The following ADAMTS19 variants were observed in gnomAD, a reference collection of about 807,000 sequenced individuals.
ADAMTS19 encodes ADAM metallopeptidase with thrombospondin type 1 motif 19.
ADAMTS19 carries 93 observed loss-of-function variants against 153.3 expected under a neutral mutation model. The ratio of observed to expected loss-of-function variants is 0.61; its 90% confidence interval spans 0.51 to 0.72. The LOEUF (loss-of-function observed/expected upper bound fraction) is 0.72. Ranked by LOEUF, ADAMTS19 falls within the 30% of genes least tolerant of loss-of-function variation. The probability of loss-of-function intolerance (pLI) is 0.00; values close to 1 mark genes in which losing one functional copy is unlikely to be tolerated. For synonymous variants in ADAMTS19, 600 were observed against 556.6 expected, an observed-to-expected ratio of 1.08 and a Z score of -1.10; for missense variants, 1,482 against 1,552.1, an observed-to-expected ratio of 0.95 and a Z score of 0.76.
At chr5:129,656,239 A>G (rs911570225) in intron 14 of ADAMTS19, among the ~76,000 whole-genome samples, 2 of 152,204 alleles carry the variant, frequency 1.3e-5, no homozygotes, top group African/African-American at 2.4e-5. Context: ...ATTATTTGAA[A>G]TGGATTGTGG....
intron 13 of ADAMTS19, among the ~76,000 whole-genome samples, chr5:129,649,208 A>G (rs1299697802): frequency 1.3e-5 from 2 of 152,228 alleles, no homozygotes; most frequent in East Asian, 3.8e-4. Flanking sequence ...TGACAACACT[A>G]ACTGCTAGTG....
intron 6 of ADAMTS19, among the ~76,000 whole-genome samples, chr5:129,534,100 G>A (rs1319389839): frequency 6.6e-6 from 1 of 152,100 alleles, no homozygotes; most frequent in African/African-American, 2.4e-5. Flanking sequence ...TTCTGTAGAT[G>A]TCTATTAGGT....
chr5:129,484,773 A>G (rs1750537520), intron 2 of ADAMTS19, among the ~76,000 whole-genome samples: 1 of 152,150 alleles, frequency 6.6e-6, no homozygotes, highest in Non-Finnish European at 1.5e-5. Context: ...CATAGCTATC[A>G]GTAAGATTTT....
intron 15 of ADAMTS19, among the ~76,000 whole-genome samples, chr5:129,661,296 C>A (rs569320027): frequency 6.6e-6 from 1 of 152,086 alleles, no homozygotes; most frequent in Non-Finnish European, 1.5e-5. Context: ...GCATAGTATG[C>A]GATCCATTAA....
chr5:129,676,335 A>G (rs1252334013), intron 16 of ADAMTS19, among the ~76,000 whole-genome samples: 2 of 152,172 alleles, frequency 1.3e-5, no homozygotes, highest in Non-Finnish European at 2.9e-5. Context: ...TATGCAACTA[A>G]AGTAACCTTT....
chr5:129,581,173 G>T (rs766163632), intron 7 of ADAMTS19, among the ~76,000 whole-genome samples: 47 of 152,162 alleles, frequency 3.1e-4, no homozygotes, highest in Non-Finnish European at 5.1e-4. Context: ...GAGGGTGTAT[G>T]TGTCCAGGAA....
At chr5:129,641,086 CAGAAAT>C (rs1487968737) in intron 10 of ADAMTS19, among the ~76,000 whole-genome samples, 2 of 152,182 alleles carry the variant, frequency 1.3e-5, no homozygotes, top group East Asian at 1.9e-4. Flanking sequence ...AACCACCTTA[CAGAAAT>C]AGAAAGTCTT....
At chr5:129,614,599 G>A (rs1288724024) in intron 8 of ADAMTS19, among the ~76,000 whole-genome samples, 1 of 152,022 alleles carries the variant, frequency 6.6e-6, no homozygotes, top group Admixed American at 6.6e-5. Context: ...GGCAAAAACT[G>A]GAAGCATTCC....
At chr5:129,707,825 A>G (rs30302) in intron 21 of ADAMTS19, among the ~76,000 whole-genome samples, 89,635 of 152,034 alleles carry the variant, frequency 0.59, 26,857 homozygotes, top group Non-Finnish European at 0.65. Flanking sequence ...TACTTTAATC[A>G]GGAATATTAA....
At chr5:129,661,883 G>A (rs1221793838) in intron 15 of ADAMTS19, among the ~76,000 whole-genome samples, 3 of 152,112 alleles carry the variant, frequency 2.0e-5, no homozygotes, top group East Asian at 1.9e-4. Flanking sequence ...CACAGCAGTC[G>A]GGGAGTCATA....
At chr5:129,490,478 T>G (rs1421868794) in intron 2 of ADAMTS19, among the ~76,000 whole-genome samples, 1 of 152,138 alleles carries the variant, frequency 6.6e-6, no homozygotes, top group Admixed American at 6.5e-5. Flanking sequence ...CTAAGTACAT[T>G]ATAAGATAAG....
In ADAMTS19 at chr5:129,518,988, A is replaced by G. The variant is rs1047703314; in HGVS notation, c.914-7296A>G. On this transcript the variant is annotated intron_variant, in intron 3 of 22. Coordinates refer to ENST00000274487, the MANE Select transcript of ADAMTS19 (RefSeq NM_133638.6). The stretch of plus-strand genomic sequence containing the variant: ...TTCTGCTATTAAAAGACTGTGATTC[A>G]CTCTTCAATATGCTAATTGCATTTT... Among the ~76,000 whole-genome samples the G allele has an allele frequency of 3.3e-5, 5 of 152,082 alleles. No individual in the cohort carries two copies. In the South Asian group the frequency reaches 1.0e-3, roughly 32 times the overall value.
In ADAMTS19 at chr5:129,485,606, T is replaced by G. The variant is rs139827361; in HGVS notation, c.748-23471T>G. Among the ~76,000 whole-genome samples the G allele has an allele frequency of 4.8e-3, 731 of 152,146 alleles. 4 individuals are homozygous for G. Among genetic ancestry groups the G allele is most frequent in the Non-Finnish European group, 6.8e-3 (461 of 67,972 alleles). On this transcript the variant is annotated intron_variant, in intron 2 of 22. Coordinates refer to ENST00000274487, the MANE Select transcript of ADAMTS19 (RefSeq NM_133638.6). ...AAATAGAGAAAATACAAACTATTAA[T>G]GAAAGGGAGACATCACTATAGTTTC... is the stretch of plus-strand genomic sequence containing the variant.
chr5:129,495,114 G>T (rs1188738752), intron 2 of ADAMTS19, among the ~76,000 whole-genome samples: 1 of 151,922 alleles, frequency 6.6e-6, no homozygotes, highest in African/African-American at 2.4e-5. Flanking sequence ...AATACTGAGG[G>T]TGGATATGTG....
intron 7 of ADAMTS19, among the ~76,000 whole-genome samples, chr5:129,552,848 G>A (rs1753174786): frequency 6.6e-6 from 1 of 151,910 alleles, no homozygotes; most frequent in Non-Finnish European, 1.5e-5. Context: ...TTTTTGACAT[G>A]TATTATTCAT....
intron 10 of ADAMTS19, among the ~76,000 whole-genome samples, chr5:129,626,005 G>A (rs1054932126): frequency 6.6e-6 from 1 of 151,680 alleles, no homozygotes; most frequent in Non-Finnish European, 1.5e-5. Flanking sequence ...ATTCAAGATG[G>A]ATTAAAGACT....
chr5:129,532,070 A>G (rs182640559), intron 6 of ADAMTS19, among the ~76,000 whole-genome samples: 1 of 152,320 alleles, frequency 6.6e-6, no homozygotes, highest in East Asian at 1.9e-4. Flanking sequence ...TAGCAAAAAA[A>G]ATAACATCTT....
chr5:129,618,554 C>T (rs913822989), intron 8 of ADAMTS19, among the ~76,000 whole-genome samples: 4 of 151,918 alleles, frequency 2.6e-5, no homozygotes, highest in Admixed American at 6.6e-5. Flanking sequence ...GATTCAAACT[C>T]ATAATTCATC....
intron 16 of ADAMTS19, among the ~76,000 whole-genome samples, chr5:129,673,994 G>T (rs568013621): frequency 6.6e-6 from 1 of 152,212 alleles, no homozygotes; most frequent in African/African-American, 2.4e-5. Context: ...ACTTTGGGAG[G>T]CTGAGGTGGG....
Sources: allele counts gnomAD v4.1 joint callset (sites outside exome capture counted in the v4.1 genomes callset), GRCh38; gene constraint gnomAD v4.1.1; transcripts MANE v1.5; gene names NCBI Gene and HGNC (gene_info 2026-07-23, HGNC 2026-07-21).